TTC23: variants seen among roughly 807,000 people sequenced by gnomAD.
The protein encoded by TTC23 is tetratricopeptide repeat domain 23.
In TTC23, 58 loss-of-function variants were observed where a neutral mutation model predicts 55.1. That is an observed-to-expected ratio of 1.05 (90% CI 0.85 to 1.31). The LOEUF (loss-of-function observed/expected upper bound fraction) is 1.31. TTC23 is among the 50% of genes most tolerant of loss of function. The probability of loss-of-function intolerance (pLI) is 0.00; values close to 1 mark genes in which losing one functional copy is unlikely to be tolerated. For synonymous variants in TTC23, 203 were observed against 199.9 expected (o/e 1.02, Z -0.13); for missense variants, 516 against 534.4 (o/e 0.97, Z 0.34).
intron 10 of TTC23, among the ~76,000 whole-genome samples, chr15:99,172,463 C>G (rs2073073875): frequency 6.6e-6 from 1 of 152,320 alleles, no homozygotes; most frequent in Non-Finnish European, 1.5e-5. Flanking sequence ...TGTCCCTTGT[C>G]TGCCCACAGA....
At chr15:99,251,169 A>G (rs547342470), upstream of TTC23, 1 of 152,400 alleles carries the variant, frequency 6.6e-6, no homozygotes, top group Non-Finnish European at 1.5e-5. Flanking sequence ...TCAAGACGCT[A>G]AGCAAAAGCC....
At chr15:99,196,066 C>T (rs986654543) in intron 9 of TTC23, among the ~76,000 whole-genome samples, 4 of 151,462 alleles carry the variant, frequency 2.6e-5, no homozygotes, top group Non-Finnish European at 5.9e-5. Context: ...GCACGAGAAT[C>T]CCTTGAACCC....
intron 1 of TTC23, chr15:99,248,395 CAA>C (rs2080445454): frequency 6.6e-6 from 1 of 152,162 alleles, no homozygotes; most frequent in South Asian, 2.1e-4. Flanking sequence ...AATTTGTAAC[CAA>C]AGTTTCCAAA....
intron 13 of TTC23, 69 bp from the exon 14 acceptor site, chr15:99,138,196 TTGCTGCCCAGCAGG>T: frequency 2.5e-6 from 4 of 1,584,920 alleles, no homozygotes; most frequent in Non-Finnish European, 3.4e-6. Context: ...CATCCAGCCT[TTGCTGCCCAGCAGG>T]TGCCCAGACC....
At position 99,215,178 on chromosome 15, in the gene TTC23, T is replaced by G. The variant is rs111402939; in HGVS notation, c.581+3410A>C. ...ACCTCCTGCCCATCTTTCTATCCAG[T>G]TATGTGTTTGTTTAACTGATATATA... On this transcript the variant is annotated intron_variant, in intron 8 of 13. Transcript: ENST00000394132. Among the ~76,000 whole-genome samples, 252 of 152,068 alleles carry G rather than the reference T, an allele frequency of 1.7e-3. 3 individuals carry two copies. Among genetic ancestry groups the G allele is most frequent in the African/African-American group, 5.7e-3 (235 of 41,478 alleles).
chr15:99,200,949 C>A (rs1321190608), intron 8 of TTC23, among the ~76,000 whole-genome samples: 1 of 152,190 alleles, frequency 6.6e-6, no homozygotes, highest in Admixed American at 6.5e-5. Flanking sequence ...ATTCTATATA[C>A]TTCAGTGAAA....
At chr15:99,152,273 C>A (rs1268721821) in intron 12 of TTC23, among the ~76,000 whole-genome samples, 1 of 152,242 alleles carries the variant, frequency 6.6e-6, no homozygotes, top group Non-Finnish European at 1.5e-5. Context: ...TTCCCAGAAG[C>A]TGAGCAGATA....
At chr15:99,183,325 CT>C (rs1256593678) in intron 9 of TTC23, among the ~76,000 whole-genome samples, 225 of 140,076 alleles carry the variant, frequency 1.6e-3, no homozygotes, top group Middle Eastern at 3.7e-3. Flanking sequence ...TCTTTCTTTT[CT>C]TTTTTTTTTT....
intron 10 of TTC23, among the ~76,000 whole-genome samples, 162 bp from the exon 11 acceptor site, chr15:99,162,029 A>G (rs1411194905): frequency 2.0e-5 from 3 of 152,244 alleles, no homozygotes; most frequent in African/African-American, 7.2e-5. Flanking sequence ...CTGTTTCATT[A>G]GAAAGGATTT....
chr15:99,215,647 G>A (rs1312471742), intron 8 of TTC23, among the ~76,000 whole-genome samples: 1 of 152,082 alleles, frequency 6.6e-6, no homozygotes, highest in African/African-American at 2.4e-5. Context: ...TCAGGAGGCT[G>A]AGATGAGAGG....
At chr15:99,150,255 C>T (rs1361007255) in intron 12 of TTC23, among the ~76,000 whole-genome samples, 1 of 152,206 alleles carries the variant, frequency 6.6e-6, no homozygotes, top group Non-Finnish European at 1.5e-5. Flanking sequence ...AAAACTGAGT[C>T]CTCTTGTCTC....
At chr15:99,212,814 C>T (rs2077147844) in intron 8 of TTC23, among the ~76,000 whole-genome samples, 1 of 151,832 alleles carries the variant, frequency 6.6e-6, no homozygotes, top group Non-Finnish European at 1.5e-5. Flanking sequence ...TAGTAAGACC[C>T]TGTCTCTACA....
chr15:99,189,189 A>G (rs1567434173), intron 9 of TTC23, among the ~76,000 whole-genome samples: 1 of 152,202 alleles, frequency 6.6e-6, no homozygotes, highest in Non-Finnish European at 1.5e-5. Context: ...CATAGTATGA[A>G]GGTTTCCAGA....
intron 10 of TTC23, among the ~76,000 whole-genome samples, chr15:99,169,968 G>A (rs2151917190): frequency 6.6e-6 from 1 of 152,318 alleles, no homozygotes; most frequent in African/African-American, 2.4e-5. Context: ...CACTCAGCAG[G>A]CTCTGCCCTC....
chr15:99,192,462 A>G (rs2075324788), intron 9 of TTC23, among the ~76,000 whole-genome samples: 2 of 152,234 alleles, frequency 1.3e-5, no homozygotes, highest in Non-Finnish European at 2.9e-5. Flanking sequence ...GAAAGGGGCC[A>G]TCATAGAGCT....
chr15:99,179,338 C>T (rs937672033), intron 9 of TTC23, among the ~76,000 whole-genome samples: 2 of 152,178 alleles, frequency 1.3e-5, no homozygotes, highest in Admixed American at 6.5e-5. Context: ...TCTACTCCAC[C>T]GCCCCCTGAC....
chr15:99,221,831 C>T lies in TTC23; in HGVS notation c.214G>A (p.Val72Ile), dbSNP rs749821385. The T allele has an allele frequency of 7.4e-6, 12 of 1,614,024 alleles. No individual in the cohort carries two copies. The highest frequency in any genetic ancestry group is 4.4e-5 in the South Asian group (4 of 91,082). The change falls in exon 6 of 14, where the codon GTA becomes ATA. Residue 72 changes from valine to isoleucine, a missense_variant. Coordinates refer to ENST00000394132, the MANE Select transcript of TTC23 (RefSeq NM_001288615.3). ...CCATAGCAAATTCTTGTCAGTGCTA[C>T]GCAACGCACAAGCTCATGGACGGCC... ...KQAVHELVRC[V>I]ALTRICYGDS...
intron 12 of TTC23, among the ~76,000 whole-genome samples, chr15:99,145,664 G>A (rs2068765502): frequency 1.3e-5 from 2 of 152,108 alleles, no homozygotes; most frequent in Admixed American, 6.5e-5. Flanking sequence ...CTTTCTCTCA[G>A]TCTATGTCTC....
chr15:99,170,318 G>T (rs748184344), intron 10 of TTC23, among the ~76,000 whole-genome samples: 2 of 152,162 alleles, frequency 1.3e-5, no homozygotes, highest in Admixed American at 1.3e-4. Context: ...AGAGGGCAAT[G>T]CCTTCAATGG....
Sources: gnomAD v4.1 joint callset for allele counts (sites outside exome capture counted in the v4.1 genomes callset) on GRCh38, gnomAD v4.1.1 for gene constraint, MANE v1.5 for transcripts, NCBI Gene and HGNC (gene_info 2026-07-23, HGNC 2026-07-21) for gene names.